Variants in CDH1 observed in about 807,000 individuals in gnomAD.
The protein encoded by CDH1 is cadherin 1, also known as cadherin-1.
A neutral mutation model predicts 84.5 loss-of-function variants in CDH1; 35 were observed. That is an observed-to-expected ratio of 0.41 (90% confidence interval 0.32 to 0.55). The LOEUF is 0.55. Among genes scored for constraint, CDH1 ranks in the 20% least tolerant of loss-of-function variants. The probability of loss-of-function intolerance (pLI) is 0.19; values close to 1 mark genes in which losing one functional copy is unlikely to be tolerated. For missense variants in CDH1, 994 were observed against 1,126.6 expected (o/e 0.88, Z 1.68); for synonymous variants, 417 against 439.0 (o/e 0.95, Z 0.63).
intron 2 of CDH1, among the ~76,000 whole-genome samples, chr16:68,772,408 A>G (rs1045566876): frequency 6.6e-6 from 1 of 152,238 alleles, no homozygotes; most frequent in Admixed American, 6.5e-5. Flanking sequence ...TTAATAAGCC[A>G]TAGACCCATC....
At chr16:68,820,477 A>G (rs1961111614) in intron 11 of CDH1, among the ~76,000 whole-genome samples, 1 of 151,572 alleles carries the variant, frequency 6.6e-6, no homozygotes, top group Non-Finnish European at 1.5e-5. Context: ...CAGCCTCCCA[A>G]GTAGCTGGGA....
intron 11 of CDH1, among the ~76,000 whole-genome samples, chr16:68,821,059 G>T (rs548881443): frequency 4.5e-4 from 68 of 152,150 alleles, no homozygotes; most frequent in Non-Finnish European, 6.2e-4. Context: ...GTTTGAGATG[G>T]ATTCTTCTGT....
intron 9 of CDH1, among the ~76,000 whole-genome samples, 158 bp from the exon 10 acceptor site, chr16:68,815,357 T>G (rs575528463): frequency 6.6e-6 from 1 of 152,314 alleles, no homozygotes; most frequent in East Asian, 1.9e-4. Context: ...CCATGGTAAG[T>G]AATTGTGGTT....
intron 10 of CDH1, among the ~76,000 whole-genome samples, chr16:68,818,280 T>C (rs1445979916): frequency 6.8e-6 from 1 of 147,600 alleles, no homozygotes; most frequent in Non-Finnish European, 1.5e-5. Flanking sequence ...GAAAATCAAA[T>C]TGGGGTTATA....
chr16:68,770,254 GGCCTGTCTTCCACAAGACATC>G (rs1567487206), intron 2 of CDH1, among the ~76,000 whole-genome samples: 8 of 152,006 alleles, frequency 5.3e-5, no homozygotes, highest in Non-Finnish European at 1.5e-5. Context: ...TTCCTGACTG[GGCCTGTCTTCCACAAGACATC>G]GCCTGGCTAG....
chr16:68,779,503 C>G (rs1460929325), intron 2 of CDH1, among the ~76,000 whole-genome samples: 1 of 152,174 alleles, frequency 6.6e-6, no homozygotes, highest in Non-Finnish European at 1.5e-5. Context: ...CGGTACCTAC[C>G]TTCTAGGCTG....
At chr16:68,774,598 A>G (rs998839347) in intron 2 of CDH1, among the ~76,000 whole-genome samples, 4 of 151,916 alleles carry the variant, frequency 2.6e-5, no homozygotes, top group African/African-American at 9.7e-5. Flanking sequence ...ATCCTGGGTG[A>G]CAGAGCAATA....
At chr16:68,813,549 A>T (rs753598493) in intron 9 of CDH1, 54 bp downstream of exon 9, 3 of 1,538,870 alleles carry the variant, frequency 1.9e-6, no homozygotes, top group Non-Finnish European at 2.7e-6. Context: ...AGCTGTTCAT[A>T]CCCTTGTCCC....
intron 2 of CDH1, among the ~76,000 whole-genome samples, chr16:68,795,823 T>C (rs1960343355): frequency 6.6e-6 from 1 of 151,982 alleles, no homozygotes; most frequent in Admixed American, 6.6e-5. Flanking sequence ...CTCCAGTTTT[T>C]ATGTGTAACT....
chr16:68,798,027 C>A (rs1191843633), intron 2 of CDH1, among the ~76,000 whole-genome samples: 4 of 151,884 alleles, frequency 2.6e-5, no homozygotes, highest in Non-Finnish European at 5.9e-5. Context: ...TGCAGTGAGC[C>A]CAGATTGCAC....
intron 14 of CDH1, 119 bp downstream of exon 14, chr16:68,828,423 G>C (rs985044146): frequency 1.0e-6 from 1 of 996,244 alleles, no homozygotes. Context: ...TCTTTTTAAG[G>C]CCTTACCCAA....
intron 2 of CDH1, among the ~76,000 whole-genome samples, chr16:68,784,542 T>C (rs1280257787): frequency 1.3e-5 from 2 of 152,106 alleles, no homozygotes; most frequent in African/African-American, 4.8e-5. Context: ...TGGTGTTGGT[T>C]ATGTGAACAA....
At chr16:68,827,490 C>A (rs1302199643) in intron 13 of CDH1, among the ~76,000 whole-genome samples, 1 of 151,282 alleles carries the variant, frequency 6.6e-6, no homozygotes, top group African/African-American at 2.4e-5. Context: ...AGAAATAATC[C>A]CAAGATCAAA....
At chr16:68,819,797 C>T (rs1170273219) in intron 11 of CDH1, among the ~76,000 whole-genome samples, 1 of 152,174 alleles carries the variant, frequency 6.6e-6, no homozygotes, top group Non-Finnish European at 1.5e-5. Context: ...TGCAGTATTT[C>T]TCCTTATATG....
chr16:68,833,853 AAAG>A lies in CDH1; in HGVS notation c.*358_*360del, dbSNP rs545464516. On this transcript the variant is annotated 3_prime_UTR_variant, in exon 16 of 16. Coordinates refer to ENST00000261769, the MANE Select transcript of CDH1 (RefSeq NM_004360.5). ...TTAAGGAATTTTGTCTCACTTTTAA[AAAG>A]AAGGGGAGAAGTCAGCTACTCTAGT... 14 of 389,156 alleles carry A rather than the reference AAAG, an allele frequency of 3.6e-5. No homozygotes were observed. Among genetic ancestry groups the A allele is most frequent in the Non-Finnish European group, 5.2e-5 (11 of 211,938 alleles). 24.1% of individuals were successfully genotyped at this position (389,156 alleles called of 1,614,324 possible). A position where few individuals can be genotyped will look rare whatever the true frequency, so the allele number is the denominator to read the frequency against.
At chr16:68,771,852 A>G (rs374907550) in intron 2 of CDH1, among the ~76,000 whole-genome samples, 42 of 151,894 alleles carry the variant, frequency 2.8e-4, no homozygotes, top group African/African-American at 9.4e-4. Context: ...AAGTGCTGGG[A>G]TTACAGGCGC....
chr16:68,823,219 A>T (rs1961216221), intron 12 of CDH1, 180 bp from the exon 13 acceptor site: 1 of 608,782 alleles, frequency 1.6e-6, no homozygotes, highest in Admixed American at 2.9e-5. Context: ...GACCAAATGG[A>T]AATAAAGCTT....
At chr16:68,774,108 T>C (rs969811532) in intron 2 of CDH1, among the ~76,000 whole-genome samples, 4 of 151,962 alleles carry the variant, frequency 2.6e-5, no homozygotes, top group African/African-American at 7.2e-5. Context: ...AGAGACAGGG[T>C]CTTGCTATGT....
chr16:68,807,136 T>C (rs1340190856), intron 3 of CDH1, among the ~76,000 whole-genome samples: 1 of 152,220 alleles, frequency 6.6e-6, no homozygotes, highest in Non-Finnish European at 1.5e-5. Context: ...AACTCTCTTA[T>C]TTCCCTGCAT....
Sources: gnomAD v4.1 joint callset for allele counts (sites outside exome capture counted in the v4.1 genomes callset) on GRCh38, gnomAD v4.1.1 for gene constraint, MANE v1.5 for transcripts, NCBI Gene and HGNC (gene_info 2026-07-23, HGNC 2026-07-21) for gene names.